The following P2RY8 variants were observed in gnomAD, a reference collection of about 807,000 sequenced individuals.
P2RY8 encodes S-geranylgeranyl-glutathione receptor P2RY8.
In P2RY8, 6 loss-of-function variants were observed where a neutral mutation model predicts 10.0. The ratio of observed to expected loss-of-function variants is 0.60; its 90% CI spans 0.33 to 1.19. The LOEUF is 1.19. P2RY8 is among the 50% of genes most tolerant of loss of function. P2RY8 has a pLI of 0.04. For synonymous variants in P2RY8, 276 were observed against 252.5 expected (o/e 1.09, Z -0.88); for missense variants, 456 against 542.0 (o/e 0.84, Z 1.58).
chrX:1,512,810 G>T (rs761344415), intron 1 of P2RY8, among the ~76,000 whole-genome samples: 2 of 149,980 alleles, frequency 1.3e-5, no homozygotes, highest in African/African-American at 4.9e-5. Context: ...AATTATCTCT[G>T]CCTGGTCCTG....
intron 1 of P2RY8, among the ~76,000 whole-genome samples, chrX:1,498,279 G>A (rs1468354322): frequency 4.6e-5 from 7 of 150,932 alleles, no homozygotes; most frequent in Non-Finnish European, 1.0e-4. Context: ...GGTGGCGGGT[G>A]CCTGTAGTCC....
At chrX:1,528,843 T>A (rs2092456249) in intron 1 of P2RY8, among the ~76,000 whole-genome samples, 3 of 152,210 alleles carry the variant, frequency 2.0e-5, no homozygotes, top group Admixed American at 2.0e-4. Context: ...AGTGTGGATT[T>A]GAGTCTCTTT....
At chrX:1,467,701 G>C (rs756315572) in intron 1 of P2RY8, among the ~76,000 whole-genome samples, 1 of 152,294 alleles carries the variant, frequency 6.6e-6, no homozygotes, top group Admixed American at 6.5e-5. Context: ...TATAGATATG[G>C]GGTCTTGCCT....
At chrX:1,516,551 A>G (rs1389859334) in intron 1 of P2RY8, among the ~76,000 whole-genome samples, 1 of 149,056 alleles carries the variant, frequency 6.7e-6, no homozygotes, top group African/African-American at 2.5e-5. Flanking sequence ...ACAGACACAC[A>G]CAGAGGGATG....
intron 1 of P2RY8, among the ~76,000 whole-genome samples, chrX:1,528,397 G>A (rs1368760064): frequency 6.6e-6 from 1 of 152,224 alleles, no homozygotes; most frequent in Admixed American, 6.5e-5. Flanking sequence ...AGCTACTGCT[G>A]CACAACTGCC....
intron 1 of P2RY8, among the ~76,000 whole-genome samples, chrX:1,479,102 G>T (rs1412420333): frequency 6.6e-6 from 1 of 152,152 alleles, no homozygotes; most frequent in African/African-American, 2.4e-5. Flanking sequence ...ACACACACTT[G>T]TTATGAGTAA....
chrX:1,507,210 G>C (rs4393091), intron 1 of P2RY8, among the ~76,000 whole-genome samples: 106,373 of 151,770 alleles, frequency 0.7, 38,790 homozygotes, highest in Non-Finnish European at 0.79. Flanking sequence ...GCCTCTGAGC[G>C]AAGCAAGGAG....
chrX:1,466,198 G>C lies in P2RY8; in HGVS notation c.361C>G (p.Arg121Gly), dbSNP rs1220890499. 2.5e-6 allele frequency: 4 copies of C among 1,612,998 alleles called. No individual in the cohort carries two copies. Among genetic ancestry groups the C allele is most frequent in the Non-Finnish European group, 3.4e-6 (4 of 1,179,522 alleles). Residue 121 changes from arginine to glycine, a missense_variant, in exon 2 of 2, where the codon CGC becomes GGC. By Grantham distance (125) the Arg-to-Gly change is moderately radical. Coordinates refer to ENST00000381297, the MANE Select transcript of P2RY8 (RefSeq NM_178129.5). ...ILTMTCISVERFLGVLYPLSS... is the reference protein window; with the variant it reads ...ILTMTCISVEGFLGVLYPLSS... ...AGCGGGTACAGGACCCCCAGGAAGCGCTCCACGCTGATACAGGTCATGGTG... is the reference window on the plus strand; with the variant it reads ...AGCGGGTACAGGACCCCCAGGAAGCCCTCCACGCTGATACAGGTCATGGTG...
intron 1 of P2RY8, among the ~76,000 whole-genome samples, chrX:1,524,145 C>T (rs1356452988): frequency 1.3e-5 from 2 of 152,124 alleles, no homozygotes; most frequent in East Asian, 1.9e-4. Flanking sequence ...TGCAATGTAG[C>T]GATGGGGTAG....
At chrX:1,531,433 G>A (rs61454139) in intron 1 of P2RY8, among the ~76,000 whole-genome samples, 3,827 of 152,104 alleles carry the variant, frequency 0.025, 176 homozygotes, top group African/African-American at 0.088. Flanking sequence ...AGGGTCCCCC[G>A]TAAACAATGT....
intron 1 of P2RY8, among the ~76,000 whole-genome samples, chrX:1,520,952 C>A (rs781534067): frequency 1.3e-5 from 2 of 151,784 alleles, no homozygotes; most frequent in African/African-American, 4.8e-5. Context: ...TCCTGGTCCC[C>A]AATCACCTCT....
chrX:1,465,634 C>G lies in P2RY8; in HGVS notation c.925G>C (p.Gly309Arg), dbSNP rs752891430. 5.6e-6 allele frequency: 9 copies of G among 1,613,264 alleles called. No homozygotes were observed. The highest frequency in any genetic ancestry group is 1.1e-5 in the South Asian group (1 of 91,086). ...GTGTCTCTGGGCACCCGGCGGCAGC[C>G]CAAATATTCCCGCAGGCGCAGCTGG... Reference protein sequence around the residue: ...EFQLRLREYLGCRRVPRDTLD... With the variant: ...EFQLRLREYLRCRRVPRDTLD... Residue 309 changes from glycine (G) to arginine (R), a missense_variant, in exon 2 of 2, where the codon GGC becomes CGC. Transcript: ENST00000381297.
At chrX:1,530,519 T>C (rs1279936132) in intron 1 of P2RY8, among the ~76,000 whole-genome samples, 2 of 151,010 alleles carry the variant, frequency 1.3e-5, no homozygotes, top group Non-Finnish European at 3.0e-5. Context: ...GTATCTAATT[T>C]ATGTACGTAC....
chrX:1,487,773 A>G (rs1241498051), intron 1 of P2RY8, among the ~76,000 whole-genome samples: 2 of 152,052 alleles, frequency 1.3e-5, no homozygotes, highest in Admixed American at 1.3e-4. Flanking sequence ...GTGCATTTGC[A>G]CCTGCTCTTT....
chrX:1,526,402 C>A (rs1741597889), intron 1 of P2RY8, among the ~76,000 whole-genome samples: 1 of 151,338 alleles, frequency 6.6e-6, no homozygotes, highest in South Asian at 2.1e-4. Context: ...CTCACCCATT[C>A]ATTTATTCAT....
intron 1 of P2RY8, among the ~76,000 whole-genome samples, chrX:1,503,133 T>A (rs2092195765): frequency 6.6e-6 from 1 of 150,716 alleles, no homozygotes; most frequent in African/African-American, 2.4e-5. Context: ...GAAGGCCACG[T>A]GGAGACGGAG....
chrX:1,526,805 CG>C (rs1484925803), intron 1 of P2RY8, among the ~76,000 whole-genome samples: 1 of 152,164 alleles, frequency 6.6e-6, no homozygotes, highest in African/African-American at 2.4e-5. Flanking sequence ...ATTCATGCAT[CG>C]ATGAATTCAC....
At chrX:1,524,849 CCACT>C (rs2092429006) in intron 1 of P2RY8, among the ~76,000 whole-genome samples, 4 of 104,290 alleles carry the variant, frequency 3.8e-5, no homozygotes, top group African/African-American at 6.2e-5. Flanking sequence ...ATCCATCCAT[CCACT>C]CATCCATTCA....
chrX:1,530,414 C>A (rs111065314), intron 1 of P2RY8, among the ~76,000 whole-genome samples: 18 of 151,322 alleles, frequency 1.2e-4, no homozygotes, highest in African/African-American at 4.4e-4. Flanking sequence ...TATTAATGCA[C>A]CTATGTATGT....
Sources: gnomAD v4.1 joint callset for allele counts (sites outside exome capture counted in the v4.1 genomes callset) on GRCh38, gnomAD v4.1.1 for gene constraint, MANE v1.5 for transcripts, NCBI Gene and HGNC (gene_info 2026-07-23, HGNC 2026-07-21) for gene names.